HHAT: variants seen among roughly 807,000 people sequenced by gnomAD.
The protein encoded by HHAT is protein-cysteine N-palmitoyltransferase HHAT.
Under a neutral mutation model 70.8 loss-of-function variants are expected in HHAT, and 47 were observed. The ratio of observed to expected loss-of-function variants is 0.66; its 90% confidence interval spans 0.53 to 0.85. The LOEUF is 0.85. HHAT is among the 40% of genes least tolerant of loss of function. The pLI is 0.00. For missense variants in HHAT, 609 were observed against 604.8 expected, an observed-to-expected ratio of 1.01 and a Z score of -0.07; for synonymous variants, 228 against 247.6, an observed-to-expected ratio of 0.92 and a Z score of 0.74.
At chr1:210,544,466 G>A (rs1019528571) in intron 9 of HHAT, among the ~76,000 whole-genome samples, 40 of 142,724 alleles carry the variant, frequency 2.8e-4, no homozygotes, top group Admixed American at 7.4e-5. Context: ...TCTGCCTCCC[G>A]GGTTCAAGGA....
At chr1:210,384,420 G>GTT (rs1435536161) in intron 3 of HHAT, among the ~76,000 whole-genome samples, 1 of 152,146 alleles carries the variant, frequency 6.6e-6, no homozygotes, top group African/African-American at 2.4e-5. Context: ...CTGTAGGAAG[G>GTT]CATAATCAGT....
intron 6 of HHAT, among the ~76,000 whole-genome samples, chr1:210,417,587 A>C (rs888698768): frequency 6.6e-6 from 1 of 152,228 alleles, no homozygotes; most frequent in Non-Finnish European, 1.5e-5. Flanking sequence ...TCTGCTGCCT[A>C]CTAAGCAAGA....
intron 9 of HHAT, among the ~76,000 whole-genome samples, chr1:210,523,587 C>T (rs1390884624): frequency 6.8e-6 from 1 of 147,822 alleles, no homozygotes; most frequent in Non-Finnish European, 1.5e-5. Flanking sequence ...GGGACCCCTG[C>T]TTTAAATATA....
At chr1:210,352,155 G>A (rs533911396) in intron 2 of HHAT, among the ~76,000 whole-genome samples, 4 of 152,238 alleles carry the variant, frequency 2.6e-5, no homozygotes, top group East Asian at 1.9e-4. Context: ...GTTCCTTTGC[G>A]GATAGTACAA....
At chr1:210,585,765 C>G (rs959237230) in intron 9 of HHAT, among the ~76,000 whole-genome samples, 1 of 152,028 alleles carries the variant, frequency 6.6e-6, no homozygotes, top group Non-Finnish European at 1.5e-5. Flanking sequence ...GGGGATATAG[C>G]CAAGGAGCAA....
chr1:210,522,349 C>T (rs1397776827), intron 9 of HHAT, among the ~76,000 whole-genome samples: 3 of 152,086 alleles, frequency 2.0e-5, no homozygotes, highest in Non-Finnish European at 4.4e-5. Context: ...TTGATTCCAC[C>T]AGAAAGAAGC....
chr1:210,348,868 T>C (rs2086764552), intron 1 of HHAT, 65 bp from the exon 2 acceptor site: 3 of 1,474,978 alleles, frequency 2.0e-6, no homozygotes, highest in Admixed American at 4.6e-5. Context: ...ACTAACTGAA[T>C]TGATGTTTAG....
intron 9 of HHAT, among the ~76,000 whole-genome samples, chr1:210,569,318 A>G (rs1226028568): frequency 7.1e-6 from 1 of 140,584 alleles, no homozygotes; most frequent in Non-Finnish European, 1.5e-5. Context: ...AGGTTGCAGT[A>G]AGCCGAGATT....
In HHAT at chr1:210,439,920, C is replaced by CT. The variant is rs759469801; in HGVS notation, c.856+21596dup. Among the ~76,000 whole-genome samples the CT allele has an allele frequency of 3.3e-5, 5 of 151,770 alleles. 1 individual carries two copies. The highest frequency in any genetic ancestry group is 1.2e-4 in the African/African-American group (5 of 41,090). On this transcript the variant is annotated intron_variant, in intron 7 of 11. Coordinates refer to ENST00000261458, the MANE Select transcript of HHAT (RefSeq NM_018194.6). Reference sequence around the variant, plus strand: ...ACTCTTTGTAGATTGGTAGCCCAGTCTATAGATACCTTGCAAGGGTGAGAA... The same window carrying CT: ...ACTCTTTGTAGATTGGTAGCCCAGTCTTATAGATACCTTGCAAGGGTGAGAA...
At chr1:210,606,390 T>G (rs1261668447) in intron 10 of HHAT, among the ~76,000 whole-genome samples, 1 of 152,210 alleles carries the variant, frequency 6.6e-6, no homozygotes, top group East Asian at 1.9e-4. Flanking sequence ...CCTTGCCATT[T>G]TTTTCTTTCA....
chr1:210,341,626 C>T (rs1271092682), intron 1 of HHAT, among the ~76,000 whole-genome samples: 1 of 152,140 alleles, frequency 6.6e-6, no homozygotes, highest in African/African-American at 2.4e-5. Context: ...CTTAGCCCTC[C>T]TGAGAGGATC....
At chr1:210,619,806 C>T (rs2148865819) in intron 10 of HHAT, among the ~76,000 whole-genome samples, 1 of 152,316 alleles carries the variant, frequency 6.6e-6, no homozygotes, top group Non-Finnish European at 1.5e-5. Context: ...AATCAACACT[C>T]TGAGAAGAGA....
intron 6 of HHAT, among the ~76,000 whole-genome samples, chr1:210,415,009 ACT>A (rs2148259362): frequency 6.6e-6 from 1 of 152,008 alleles, no homozygotes; most frequent in African/African-American, 2.4e-5. Context: ...ACAGAGTGAA[ACT>A]CTGTCTTAAA....
chr1:210,331,210 A>G (rs561447574), intron 1 of HHAT, among the ~76,000 whole-genome samples: 1 of 151,876 alleles, frequency 6.6e-6, no homozygotes, highest in Non-Finnish European at 1.5e-5. Flanking sequence ...AATCAGTGGG[A>G]CCCCTGAGCT....
At chr1:210,434,577 C>T (rs2093331579) in intron 7 of HHAT, among the ~76,000 whole-genome samples, 1 of 151,794 alleles carries the variant, frequency 6.6e-6, no homozygotes, top group South Asian at 2.1e-4. Context: ...GCTGAAAATA[C>T]ACACATCTCT....
chr1:210,381,365 C>A (rs1418835600), intron 3 of HHAT, among the ~76,000 whole-genome samples: 1 of 152,110 alleles, frequency 6.6e-6, no homozygotes, highest in Non-Finnish European at 1.5e-5. Context: ...ACTGCAACCT[C>A]CACCTCCCAG....
chr1:210,332,715 T>G (rs1366666138), intron 1 of HHAT, among the ~76,000 whole-genome samples: 1 of 152,256 alleles, frequency 6.6e-6, no homozygotes, highest in African/African-American at 2.4e-5. Flanking sequence ...GAAGCAGTTT[T>G]GAAGGTTTCA....
intron 1 of HHAT, among the ~76,000 whole-genome samples, chr1:210,339,916 C>CT (rs1328574292): frequency 6.6e-6 from 1 of 152,166 alleles, no homozygotes; most frequent in Admixed American, 6.6e-5. Flanking sequence ...TGTAATTAGA[C>CT]TTTTTTCCCC....
chr1:210,662,186 TAGGGGAGG>T (rs1475084714), intron 11 of HHAT, among the ~76,000 whole-genome samples: 17 of 152,294 alleles, frequency 1.1e-4, no homozygotes, highest in Non-Finnish European at 2.1e-4. Context: ...ACATAAGTTG[TAGGGGAGG>T]AGCGTGGTGG....
Sources: gnomAD v4.1 joint callset for allele counts (sites outside exome capture counted in the v4.1 genomes callset) on GRCh38, gnomAD v4.1.1 for gene constraint, MANE v1.5 for transcripts, NCBI Gene and HGNC (gene_info 2026-07-23, HGNC 2026-07-21) for gene names.